Variants in VWA3A observed in about 807,000 individuals in gnomAD.
The protein encoded by VWA3A is von Willebrand factor A domain-containing protein 3A.
VWA3A carries 134 observed loss-of-function variants against 160.4 expected under a neutral mutation model. The observed-to-expected ratio is 0.84, with a 90% CI of 0.73 to 0.96. The LOEUF (loss-of-function observed/expected upper bound fraction) is 0.96. Among genes scored for constraint, VWA3A ranks in the 40% least tolerant of loss-of-function variants. The pLI, the probability that VWA3A is intolerant of heterozygous loss-of-function variation, is 0.00. For missense variants in VWA3A, 1,310 were observed against 1,447.9 expected, an observed-to-expected ratio of 0.90 and a Z score of 1.55; for synonymous variants, 476 against 543.4, an observed-to-expected ratio of 0.88 and a Z score of 1.72.
chr16:22,121,750 A>G, intron 14 of VWA3A, 133 bp downstream of exon 14: 1 of 686,310 alleles, frequency 1.5e-6, no homozygotes, highest in Non-Finnish European at 2.5e-6. Flanking sequence ...TAGAATGCAC[A>G]TCAAATCCAC....
intron 4 of VWA3A, 21 bp downstream of exon 4, chr16:22,100,339 C>T (rs947037513): frequency 1.5e-5 from 24 of 1,551,436 alleles, no homozygotes; most frequent in Admixed American, 7.8e-5. Context: ...AGCTGTTCCC[C>T]GCACCCCCCA....
chr16:22,114,295 T>G (rs2045599388), intron 8 of VWA3A, among the ~76,000 whole-genome samples: 1 of 152,166 alleles, frequency 6.6e-6, no homozygotes, highest in Non-Finnish European at 1.5e-5. Context: ...CAAGAAAGAA[T>G]CAAGTTATTT....
At chr16:22,147,208 G>A (rs1195351876) in intron 27 of VWA3A, among the ~76,000 whole-genome samples, 1 of 151,976 alleles carries the variant, frequency 6.6e-6, no homozygotes, top group African/African-American at 2.4e-5. Flanking sequence ...ATTTTTTTTA[G>A]ATACAGAGTC....
Position 22,152,558 on chromosome 16 carries a change from G to T in VWA3A, c.3329G>T (p.Arg1110Leu). The T allele has an allele frequency of 3.1e-6, 5 of 1,612,408 alleles. No homozygotes were observed. The highest frequency in any genetic ancestry group is 4.2e-6 in the Non-Finnish European group (5 of 1,179,236). The part of the protein sequence containing the change: ...LRKLASFTGG[R>L]YHCPVGEDTL... ...AAGCTGGCTTCCTTCACCGGCGGAC[G>T]CTATCACTGCCCTGTGGGTGAGGAC... The change falls in exon 31 of 34, where the codon CGC becomes CTC. Residue 1110 changes from arginine to leucine, a missense_variant. Coordinates refer to ENST00000389398, the MANE Select transcript of VWA3A (RefSeq NM_173615.5).
rs755167183 is a variant in VWA3A, at chr16:22,120,996, T to C, written c.1145T>C (p.Leu382Pro). The change falls in exon 13 of 34, where the codon CTC (leucine) becomes CCC (proline). Residue 382 changes from leucine (L) to proline (P), a missense_variant. Physicochemically the swap from Leu to Pro is moderately conservative, Grantham distance 98. Transcript: ENST00000389398. ...EISTEITNGP[L>P]ISLLPKPPKH... ...TCCACAGAGATTACAAATGGGCCAC[T>C]CATAAGCCTCTTGCCTAAACCCCCA... is the stretch of plus-strand genomic sequence containing the variant. 1.2e-6 allele frequency: 2 copies of C among 1,613,888 alleles called. No individual in the cohort carries two copies. Among genetic ancestry groups the C allele is most frequent in the Non-Finnish European group, 1.7e-6 (2 of 1,179,888 alleles).
At chr16:22,139,242 C>T (rs2046099795) in intron 22 of VWA3A, among the ~76,000 whole-genome samples, 1 of 152,214 alleles carries the variant, frequency 6.6e-6, no homozygotes, top group African/African-American at 2.4e-5. Flanking sequence ...TTTCAGGAGC[C>T]AGCTCAGGCA....
At chr16:22,105,597 T>C (rs950872027) in intron 6 of VWA3A, among the ~76,000 whole-genome samples, 1 of 152,270 alleles carries the variant, frequency 6.6e-6, no homozygotes, top group African/African-American at 2.4e-5. Flanking sequence ...CAAGATTTTT[T>C]AAATCCTGGT....
intron 6 of VWA3A, among the ~76,000 whole-genome samples, chr16:22,108,570 G>A (rs1436393984): frequency 6.6e-6 from 1 of 152,134 alleles, no homozygotes; most frequent in Admixed American, 6.5e-5. Context: ...TACAGAAAGG[G>A]AGTGCTGGAG....
At position 22,123,067 on chromosome 16, in the gene VWA3A, G is replaced by T. The variant is rs1391672694; in HGVS notation, c.1357-18G>T. ...CTTCTGTTCGCCTGCTCACCCTCCT[G>T]CCCATGCCTGAGTATAGAAGGCAAT... On this transcript the variant is annotated intron_variant, in intron 14 of 33. Coordinates refer to ENST00000389398, the MANE Select transcript of VWA3A (RefSeq NM_173615.5). 6 of 1,584,526 alleles carry T rather than the reference G, an allele frequency of 3.8e-6. No individual in the cohort carries two copies. Among genetic ancestry groups the T allele is most frequent in the Non-Finnish European group, 5.2e-6 (6 of 1,163,876 alleles).
rs749137098 is a variant in VWA3A at position 22,152,557 on chromosome 16, C to T, written c.3328C>T (p.Arg1110Cys). ...AAAGCTGGCTTCCTTCACCGGCGGA[C>T]GCTATCACTGCCCTGTGGGTGAGGA... ...LRKLASFTGG[R>C]YHCPVGEDTL... Residue 1110 changes from arginine to cysteine, a missense_variant, in exon 31 of 34, where the codon CGC (arginine) becomes TGC (cysteine). By Grantham distance (180) the Arg-to-Cys change is radical (BLOSUM62 -3). Coordinates refer to ENST00000389398, the MANE Select transcript of VWA3A (RefSeq NM_173615.5). The T allele has an allele frequency of 1.5e-5, 24 of 1,612,578 alleles. 1 individual carries two copies. Among genetic ancestry groups the T allele is most frequent in the South Asian group, 1.2e-4 (11 of 90,716 alleles).
chr16:22,113,363 C>CTTTTTTATTTTTT (rs2045581172), intron 8 of VWA3A, among the ~76,000 whole-genome samples: 1 of 46,252 alleles, frequency 2.2e-5, no homozygotes, highest in Admixed American at 4.0e-4. Context: ...GGCTAATTTT[C>CTTTTTTATTTTTT]TTTTTTTTTT....
At chr16:22,138,993 T>C (rs1054472975) in intron 22 of VWA3A, among the ~76,000 whole-genome samples, 1 of 151,910 alleles carries the variant, frequency 6.6e-6, no homozygotes, top group Non-Finnish European at 1.5e-5. Context: ...CCCACCCACC[T>C]TGGCAATCAG....
intron 8 of VWA3A, among the ~76,000 whole-genome samples, chr16:22,114,052 A>G (rs1382922797): frequency 6.6e-6 from 1 of 152,136 alleles, no homozygotes; most frequent in East Asian, 1.9e-4. Flanking sequence ...AAGCAGCCAT[A>G]TAAATAAATA....
intron 17 of VWA3A, among the ~76,000 whole-genome samples, chr16:22,128,431 A>T (rs931666226): frequency 6.6e-6 from 1 of 152,156 alleles, no homozygotes; most frequent in African/African-American, 2.4e-5. Context: ...GTCAAAAAAT[A>T]ACAGGTGCTG....
At chr16:22,101,009 G>A (rs1241710183) in intron 5 of VWA3A, among the ~76,000 whole-genome samples, 3 of 149,140 alleles carry the variant, frequency 2.0e-5, no homozygotes, top group Admixed American at 6.7e-5. Context: ...TCAGGGAGAT[G>A]AGCATGTCTC....
At chr16:22,153,441 C>T (rs926064594) in intron 31 of VWA3A, among the ~76,000 whole-genome samples, 2 of 152,148 alleles carry the variant, frequency 1.3e-5, no homozygotes, top group African/African-American at 4.8e-5. Context: ...TTAATTCCTG[C>T]ATATTTGTGT....
chr16:22,133,660 A>AG (rs927880438), intron 20 of VWA3A, among the ~76,000 whole-genome samples: 1 of 150,962 alleles, frequency 6.6e-6, no homozygotes, highest in African/African-American at 2.4e-5. Flanking sequence ...AAAAAAAAAA[A>AG]AAAAAAAAGA....
Position 22,119,035 on chromosome 16 carries a change from G to T in VWA3A, c.1116+8G>T, listed in dbSNP as rs1210621585. 1 of 1,602,936 alleles carries T rather than the reference G, an allele frequency of 6.2e-7. No individual in the cohort carries two copies. The highest frequency in any genetic ancestry group is 8.5e-7 in the Non-Finnish European group (1 of 1,174,664). On this transcript the variant is annotated splice_region_variant and intron_variant, in intron 12 of 33. Transcript: ENST00000389398. Reference sequence around the variant, plus strand: ...ACCTGCACCATGGAGGAGGTAGGTGGTGCGAGTGTCAATTCTGGGGCCTTC... The same window carrying T: ...ACCTGCACCATGGAGGAGGTAGGTGTTGCGAGTGTCAATTCTGGGGCCTTC...
intron 12 of VWA3A, among the ~76,000 whole-genome samples, chr16:22,119,873 C>T (rs752394537): frequency 5.3e-5 from 8 of 151,822 alleles, no homozygotes; most frequent in African/African-American, 9.7e-5. Flanking sequence ...CAAAACTTAG[C>T]GAGGCATGGT....
Sources: gnomAD v4.1 joint callset for allele counts (sites outside exome capture counted in the v4.1 genomes callset) on GRCh38, gnomAD v4.1.1 for gene constraint, MANE v1.5 for transcripts, NCBI Gene and HGNC (gene_info 2026-07-23, HGNC 2026-07-21) for gene names.